The following CES4A variants were observed in gnomAD, a reference collection of about 807,000 sequenced individuals.
The protein encoded by CES4A is carboxylesterase 4A.
A neutral mutation model predicts 65.4 loss-of-function variants in CES4A; 48 were observed. The ratio of observed to expected loss-of-function variants is 0.73; its 90% CI spans 0.58 to 0.93. The LOEUF (loss-of-function observed/expected upper bound fraction) is 0.93, where lower values mean the gene tolerates loss of function less well. Ranked by LOEUF, CES4A falls within the 40% of genes least tolerant of loss-of-function variation. The pLI, the probability that CES4A is intolerant of heterozygous loss-of-function variation, is 0.00. For synonymous variants in CES4A, 247 were observed against 281.8 expected, an observed-to-expected ratio of 0.88 and a Z score of 1.24; for missense variants, 685 against 728.5, an observed-to-expected ratio of 0.94 and a Z score of 0.69.
rs1458132193 is a variant in CES4A, at chr16:67,000,590, G to GA, written c.261-47dup. 6.6e-7 allele frequency: 1 copy of GA among 1,521,292 alleles called. No individual in the cohort carries two copies. Among genetic ancestry groups the GA allele is most frequent in the African/African-American group, 1.4e-5 (1 of 72,196 alleles). 94.2% of individuals were successfully genotyped at this position (1,521,292 alleles called of 1,614,324 possible). On this transcript the variant is annotated intron_variant, in intron 2 of 13. Transcript: ENST00000648724. This position sits in a 1 kb window ranked among gnomAD's most constrained non-coding sequence, Gnocchi z 4.2. ...TTCCGTCTTCTCACTGCGGACCCTG[G>GA]ATTGAAACGATCTCCCCGCGGCCGC... is the stretch of plus-strand genomic sequence containing the variant.
At chr16:67,006,125 C>T (rs1005629037) in intron 11 of CES4A, 23 of 427,150 alleles carry the variant, frequency 5.4e-5, no homozygotes, top group Non-Finnish European at 9.4e-5. Context: ...GGAAGGCTTC[C>T]ATGATCCTGG....
rs1433850731 is a variant in CES4A, at chr16:67,004,306, G to A, written c.1080+82G>A. 1.2e-5 allele frequency: 18 copies of A among 1,505,340 alleles called. No individual in the cohort carries two copies. The South Asian group carries it at 1.4e-4, about 12-fold the overall frequency. The allele number at this position is 1,505,340 out of a possible 1,614,324, so 93.2% of individuals were successfully genotyped here. A position where few individuals can be genotyped will look rare whatever the true frequency, so the allele number is the denominator to read the frequency against. On this transcript the variant is annotated intron_variant, in intron 9 of 13. Coordinates refer to ENST00000648724, the Ensembl canonical transcript of CES4A. Reference sequence around the variant, plus strand: ...AGGCAGGGAAGGATGCCTCTTGGACGGTGCTGGGCACCAGGTCAGATGCCA... The same window carrying A: ...AGGCAGGGAAGGATGCCTCTTGGACAGTGCTGGGCACCAGGTCAGATGCCA...
chr16:67,000,973 C>T lies in CES4A; in HGVS notation c.519C>T (p.Gly173=). The change falls in exon 4 of 14, where the codon GGC becomes GGT. Residue 173 remains glycine (G), a synonymous_variant. Transcript: ENST00000648724. This position sits in a 1 kb window ranked among gnomAD's most constrained non-coding sequence, Gnocchi z 4.2. The stretch of plus-strand genomic sequence containing the variant: ...TGGTGTTTCTGCAGCACAGGCTCGG[C>T]ATCTTCGGCTTCCTGAGGTGGCGGG... 6.2e-7 allele frequency: 1 copy of T among 1,611,328 alleles called. No individual in the cohort carries two copies. The highest frequency in any genetic ancestry group is 8.5e-7 in the Non-Finnish European group (1 of 1,178,544).
Position 67,000,719 on chromosome 16 carries a change from G to T in CES4A, c.342G>T (p.Glu114Asp), listed in dbSNP as rs777689579. 30 of 1,550,494 alleles carry T rather than the reference G, an allele frequency of 1.9e-5. No individual in the cohort carries two copies. The highest frequency in any genetic ancestry group is 5.9e-5 in the Admixed American group (3 of 51,078). ...GGTACAAGTGGCTGCGCTTCAGCGAGGACTGTCTGTACCTGAACGTGTACG... is the reference window on the plus strand; with the variant it reads ...GGTACAAGTGGCTGCGCTTCAGCGATGACTGTCTGTACCTGAACGTGTACG... The change falls in exon 3 of 14, where the codon GAG becomes GAT. Residue 114 changes from glutamate (E) to aspartate (D), a missense_variant. Transcript: ENST00000648724. This position sits in a 1 kb window ranked among gnomAD's most constrained non-coding sequence, Gnocchi z 4.2.
chr16:66,996,883 A>G (rs1351183969), intron 2 of CES4A, among the ~76,000 whole-genome samples: 2 of 152,000 alleles, frequency 1.3e-5, no homozygotes, highest in African/African-American at 2.4e-5. Context: ...GCAAGACCCC[A>G]TATCTACAGA....
Position 67,000,040 on chromosome 16 carries a change from C to T in CES4A, c.261-598C>T, listed in dbSNP as rs533016737. On this transcript the variant is annotated intron_variant, in intron 2 of 13. Transcript: ENST00000648724. The surrounding 1 kb of genome is among the most constrained non-coding windows in gnomAD (Gnocchi z 4.2). ...TGGAAAGGAGGGCCTGGGTACTCCG[C>T]GTATCTTAACTTTATCCTGAGGGCA... is the stretch of plus-strand genomic sequence containing the variant. 3.9e-5 allele frequency among the ~76,000 whole-genome samples: 6 copies of T among 152,222 alleles called. No individual in the cohort carries two copies. Among genetic ancestry groups the T allele is most frequent in the Admixed American group, 2.6e-4 (4 of 15,288 alleles).
intron 2 of CES4A, among the ~76,000 whole-genome samples, chr16:66,996,543 C>G (rs181988725): frequency 2.0e-5 from 3 of 152,288 alleles, no homozygotes; most frequent in African/African-American, 7.2e-5. Flanking sequence ...ACAATGACTG[C>G]CCTTTGAAGC....
At chr16:66,995,520 C>G in intron 1 of CES4A, 108 bp from the exon 2 acceptor site, 2 of 923,442 alleles carry the variant, frequency 2.2e-6, no homozygotes, top group Non-Finnish European at 3.5e-6. Flanking sequence ...CCCTTTTCCC[C>G]TCTCTTTCCA....
In CES4A at chr16:66,994,865, G is replaced by A. The variant is rs189230606; in HGVS notation, c.59-763G>A. Among the ~76,000 whole-genome samples the A allele has an allele frequency of 4.3e-3, 651 of 151,138 alleles. 7 individuals are homozygous for A. Among genetic ancestry groups the A allele is most frequent in the Non-Finnish European group, 4.2e-3 (285 of 67,844 alleles). On this transcript the variant is annotated intron_variant, in intron 1 of 13. Transcript: ENST00000648724. The stretch of plus-strand genomic sequence containing the variant: ...AAAAAAAAAAAAAAATTAGCCAGGC[G>A]CGGTGCTGTGTGTCTGTAGTCCCAG...
In CES4A at chr16:67,001,034, C is replaced by T; in HGVS notation, c.536+44C>T. ...TTTGGGACCGCAGCTGTGGCCAGAG[C>T]GGCGGGGACTGGGTGGGAAGGGAGG... On this transcript the variant is annotated intron_variant, in intron 4 of 13. Coordinates refer to ENST00000648724, the Ensembl canonical transcript of CES4A. This position sits in a 1 kb window ranked among gnomAD's most constrained non-coding sequence, Gnocchi z 4.1. 1.1e-6 allele frequency: 1 copy of T among 898,088 alleles called. No homozygotes were observed. 55.6% of individuals were successfully genotyped at this position (898,088 alleles called of 1,614,324 possible). A position where few individuals can be genotyped will look rare whatever the true frequency, so the allele number is the denominator to read the frequency against.
chr16:66,990,232 T>A (rs1964278928), intron 1 of CES4A, among the ~76,000 whole-genome samples: 1 of 151,956 alleles, frequency 6.6e-6, no homozygotes, highest in Non-Finnish European at 1.5e-5. Flanking sequence ...TGTATTTTTT[T>A]AGTGGAGATG....
chr16:67,005,403 G>A lies in CES4A; in HGVS notation c.1315+10G>A. 1 of 1,612,078 alleles carries A rather than the reference G, an allele frequency of 6.2e-7. No individual in the cohort carries two copies. The highest frequency in any genetic ancestry group is 2.2e-5 in the East Asian group (1 of 44,860). ...GCTCACTACCACCGAGGTATGCAGG[G>A]TCCCCAAGAGTGGCCACACTGGCCC... On this transcript the variant is annotated intron_variant, in intron 11 of 13. Transcript: ENST00000648724.
intron 1 of CES4A, among the ~76,000 whole-genome samples, chr16:66,991,051 G>A (rs1307989404): frequency 6.6e-6 from 1 of 151,928 alleles, no homozygotes; most frequent in African/African-American, 2.4e-5. Context: ...TTGAGATGGA[G>A]TCTCACTCTG....
chr16:67,001,318 A>G lies in CES4A; in HGVS notation c.547A>G (p.Ser183Gly), dbSNP rs779323201. 8.7e-6 allele frequency: 14 copies of G among 1,607,732 alleles called. No homozygotes were observed. Among genetic ancestry groups the G allele is most frequent in the Admixed American group, 1.7e-5 (1 of 59,416 alleles). The stretch of plus-strand genomic sequence containing the variant: ...ACCCCACACGCCCAGCACGGACGAC[A>G]GCCACGCGCGCGGGAACTGGGGGCT... The change falls in exon 5 of 14, where the codon AGC (serine) becomes GGC (glycine). Residue 183 changes from serine to glycine, a missense_variant. Physicochemically the swap from Ser to Gly is moderately conservative, Grantham distance 56 (BLOSUM62 0). Coordinates refer to ENST00000648724, the Ensembl canonical transcript of CES4A. This position sits in a 1 kb window ranked among gnomAD's most constrained non-coding sequence, Gnocchi z 4.1.
chr16:66,999,504 T>C (rs762233252), intron 2 of CES4A, among the ~76,000 whole-genome samples: 1 of 152,130 alleles, frequency 6.6e-6, no homozygotes, highest in Non-Finnish European at 1.5e-5. Context: ...CAGGACATGG[T>C]CAACAGCGGA....
intron 2 of CES4A, among the ~76,000 whole-genome samples, chr16:66,998,557 G>C (rs1965040350): frequency 1.3e-5 from 2 of 152,150 alleles, no homozygotes; most frequent in East Asian, 1.9e-4. Flanking sequence ...ATTGCTGCCT[G>C]GGTGACCCTG....
Position 67,000,662 on chromosome 16 carries a change from G to C in CES4A, c.285G>C (p.Gln95His), listed in dbSNP as rs1965224027. The change falls in exon 3 of 14, where the codon CAG (glutamine) becomes CAC (histidine). Residue 95 changes from glutamine (Q) to histidine (H), a missense_variant. Gln to His is a conservative substitution (Grantham distance 24). Coordinates refer to ENST00000648724, the Ensembl canonical transcript of CES4A. This position sits in a 1 kb window ranked among gnomAD's most constrained non-coding sequence, Gnocchi z 4.2. Reference sequence around the variant, plus strand: ...GGTGCCTGCAGGAGTCCTGGGGCCAGCTGGCCTCGATGTACGTCAGCACGC... The same window carrying C: ...GGTGCCTGCAGGAGTCCTGGGGCCACCTGGCCTCGATGTACGTCAGCACGC... 2 of 1,549,376 alleles carry C rather than the reference G, an allele frequency of 1.3e-6. No individual in the cohort carries two copies. The highest frequency in any genetic ancestry group is 4.9e-5 in the East Asian group (2 of 40,942).
intron 9 of CES4A, 62 bp downstream of exon 9, chr16:67,004,286 G>C: frequency 6.4e-7 from 1 of 1,572,522 alleles, no homozygotes; most frequent in Non-Finnish European, 8.7e-7. Flanking sequence ...AGTGGAGGCA[G>C]GGAAGGATGC....
chr16:67,007,082 GC>G (rs1430002686), intron 13 of CES4A: 35 of 451,878 alleles, frequency 7.7e-5, no homozygotes, highest in Non-Finnish European at 1.4e-4. Flanking sequence ...TTTGGGCCCA[GC>G]CCCAGTACTG....
Sources: allele counts gnomAD v4.1 joint callset (sites outside exome capture counted in the v4.1 genomes callset), GRCh38; gene constraint gnomAD v4.1.1; non-coding constraint Gnocchi (gnomAD v3.1); transcripts MANE v1.5; gene names NCBI Gene and HGNC (gene_info 2026-07-23, HGNC 2026-07-21).